Variants in RALGAPA1 observed in about 807,000 individuals in gnomAD.
RALGAPA1 encodes the protein ral GTPase-activating protein subunit alpha-1.
A neutral mutation model predicts 269.6 loss-of-function variants in RALGAPA1; 52 were observed. The ratio of observed to expected loss-of-function variants is 0.19; its 90% confidence interval spans 0.15 to 0.24. The LOEUF is 0.24. Ranked by LOEUF, RALGAPA1 falls within the 10% of genes least tolerant of loss-of-function variation. RALGAPA1 has a pLI of 1.00. For missense variants in RALGAPA1, 1,917 were observed against 3,013.9 expected, an observed-to-expected ratio of 0.64 and a Z score of 8.52; for synonymous variants, 817 against 1,008.3, an observed-to-expected ratio of 0.81 and a Z score of 3.60.
chr14:35,776,009 G>A (rs969832118), intron 1 of RALGAPA1, among the ~76,000 whole-genome samples: 1 of 152,114 alleles, frequency 6.6e-6, no homozygotes, highest in Non-Finnish European at 1.5e-5. Flanking sequence ...ACCAAAAAAA[G>A]AAGTTAAGTT....
At chr14:35,801,258 C>G (rs916070750) in intron 1 of RALGAPA1, among the ~76,000 whole-genome samples, 1 of 131,334 alleles carries the variant, frequency 7.6e-6, no homozygotes, top group African/African-American at 3.2e-5. Context: ...CACACACACA[C>G]ACACACACAC....
intron 13 of RALGAPA1, among the ~76,000 whole-genome samples, chr14:35,727,132 GTCT>G (rs1303080570): frequency 6.6e-6 from 1 of 151,214 alleles, no homozygotes; most frequent in Non-Finnish European, 1.5e-5. Flanking sequence ...TGACTAAGTA[GTCT>G]TCTTTCTTAA....
At chr14:35,775,369 C>G (rs1177272715) in intron 2 of RALGAPA1, among the ~76,000 whole-genome samples, 1 of 151,982 alleles carries the variant, frequency 6.6e-6, no homozygotes, top group East Asian at 1.9e-4. Context: ...AGGGCAGAAC[C>G]AAAGAAGGCA....
intron 39 of RALGAPA1, 81 bp from the exon 40 acceptor site, chr14:35,549,315 G>A: frequency 7.3e-7 from 1 of 1,370,372 alleles, no homozygotes; most frequent in Non-Finnish European, 1.0e-6. Context: ...TGCTATGATT[G>A]CTAAGCCATT....
intron 12 of RALGAPA1, among the ~76,000 whole-genome samples, chr14:35,730,618 T>C (rs910572804): frequency 1.3e-5 from 2 of 150,976 alleles, no homozygotes; most frequent in African/African-American, 4.8e-5. Flanking sequence ...CGGCTTTCCC[T>C]GAGTTCCCTG....
intron 41 of RALGAPA1, among the ~76,000 whole-genome samples, chr14:35,548,213 T>C (rs2054628566): frequency 6.6e-6 from 1 of 151,992 alleles, no homozygotes; most frequent in African/African-American, 2.4e-5. Context: ...ATAGTACTAC[T>C]TTTTCATGCT....
At chr14:35,634,161 T>C (rs1374977632) in intron 33 of RALGAPA1, among the ~76,000 whole-genome samples, 2 of 152,118 alleles carry the variant, frequency 1.3e-5, no homozygotes, top group African/African-American at 4.8e-5. Flanking sequence ...ATGTTGAGTA[T>C]CCCTAATCTG....
intron 16 of RALGAPA1, among the ~76,000 whole-genome samples, chr14:35,700,506 T>C (rs1265420358): frequency 3.9e-5 from 6 of 152,142 alleles, no homozygotes; most frequent in Non-Finnish European, 2.9e-5. Context: ...TTGAATATAA[T>C]TTTTTTATAT....
intron 1 of RALGAPA1, among the ~76,000 whole-genome samples, chr14:35,798,676 T>C (rs893538972): frequency 3.3e-5 from 5 of 152,196 alleles, no homozygotes; most frequent in Non-Finnish European, 5.9e-5. Context: ...CAGTCCTTCA[T>C]GCAGAAACAA....
intron 12 of RALGAPA1, among the ~76,000 whole-genome samples, chr14:35,734,738 G>A (rs114470352): frequency 7.6e-4 from 116 of 152,094 alleles, no homozygotes; most frequent in African/African-American, 2.6e-3. Context: ...TACAGCAAAA[G>A]GAATAGTCAG....
At chr14:35,694,086 C>T (rs780031452) in intron 17 of RALGAPA1, among the ~76,000 whole-genome samples, 1 of 150,704 alleles carries the variant, frequency 6.6e-6, no homozygotes, top group Non-Finnish European at 1.5e-5. Flanking sequence ...AAGAAAAGCT[C>T]GCCTTAAAAA....
chr14:35,645,346 G>GGGGTGTGTGT (rs71445953), intron 31 of RALGAPA1, among the ~76,000 whole-genome samples: 5 of 129,488 alleles, frequency 3.9e-5, no homozygotes, highest in Admixed American at 7.8e-5. Flanking sequence ...TATAGAGATG[G>GGGGTGTGTGT]GTGTGTGTGT....
At chr14:35,768,214 AG>A (rs2074308348) in intron 4 of RALGAPA1, among the ~76,000 whole-genome samples, 2 of 152,308 alleles carry the variant, frequency 1.3e-5, no homozygotes, top group Admixed American at 1.3e-4. Flanking sequence ...CAGGGACTAC[AG>A]GCACATACCA....
intron 10 of RALGAPA1, among the ~76,000 whole-genome samples, chr14:35,744,413 T>C (rs894524018): frequency 3.9e-5 from 6 of 152,168 alleles, no homozygotes; most frequent in Non-Finnish European, 8.8e-5. Context: ...CTTTTTATTT[T>C]TTTATGATAC....
At chr14:35,556,141 G>T (rs1233985775) in intron 39 of RALGAPA1, among the ~76,000 whole-genome samples, 1 of 151,900 alleles carries the variant, frequency 6.6e-6, no homozygotes, top group African/African-American at 2.4e-5. Flanking sequence ...CATTACACAG[G>T]GTCTTGAAAA....
At chr14:35,779,625 T>G (rs977333610) in intron 1 of RALGAPA1, among the ~76,000 whole-genome samples, 1 of 151,466 alleles carries the variant, frequency 6.6e-6, no homozygotes, top group Non-Finnish European at 1.5e-5. Flanking sequence ...TTCCTAAAAT[T>G]AATGTTTCAA....
At chr14:35,618,077 G>T (rs974381854) in intron 35 of RALGAPA1, among the ~76,000 whole-genome samples, 1 of 152,006 alleles carries the variant, frequency 6.6e-6, no homozygotes, top group Non-Finnish European at 1.5e-5. Context: ...CAAACTGAAA[G>T]AAAAATTAGA....
intron 27 of RALGAPA1, among the ~76,000 whole-genome samples, chr14:35,663,651 G>A (rs183924308): frequency 2.5e-4 from 37 of 150,302 alleles, no homozygotes; most frequent in African/African-American, 6.9e-4. Flanking sequence ...GTGCAGTGGC[G>A]CAATCTCGGC....
At chr14:35,794,760 A>G (rs968852551) in intron 1 of RALGAPA1, among the ~76,000 whole-genome samples, 1 of 152,156 alleles carries the variant, frequency 6.6e-6, no homozygotes, top group Non-Finnish European at 1.5e-5. Context: ...CGGCCAATCC[A>G]TACTCTTTTT....
Sources: gnomAD v4.1 joint callset for allele counts (sites outside exome capture counted in the v4.1 genomes callset) on GRCh38, gnomAD v4.1.1 for gene constraint, MANE v1.5 for transcripts, NCBI Gene and HGNC (gene_info 2026-07-23, HGNC 2026-07-21) for gene names.